The following MS4A2 variants were observed in gnomAD, a reference collection of about 807,000 sequenced individuals.
MS4A2 encodes the protein high affinity immunoglobulin epsilon receptor subunit beta.
A neutral mutation model predicts 27.9 loss-of-function variants in MS4A2; 26 were observed. The observed-to-expected ratio is 0.93, with a 90% CI of 0.68 to 1.29. MS4A2 has a LOEUF of 1.29. Among genes scored for constraint, MS4A2 ranks in the 50% most tolerant of loss-of-function variants. The pLI is 0.00. For missense variants in MS4A2, 284 were observed against 284.6 expected, an observed-to-expected ratio of 1.00 and a Z score of 0.01; for synonymous variants, 110 against 98.8, an observed-to-expected ratio of 1.11 and a Z score of -0.67.
Position 60,096,878 on chromosome 11 carries a change from C to T in MS4A2, c.*1222C>T, listed in dbSNP as rs1459821632. The T allele has an allele frequency of 9.0e-6, 1 of 110,972 alleles. No individual in the cohort carries two copies. The highest frequency in any genetic ancestry group is 3.6e-5 in the African/African-American group (1 of 27,914). 6.9% of individuals were successfully genotyped at this position (110,972 alleles called of 1,614,324 possible). A position where few individuals can be genotyped will look rare whatever the true frequency, so the allele number is the denominator to read the frequency against. ...CTCCAGCCTTGGTGACAATGGGAGA[C>T]TCCATCTCAAAAAAAAAAAAAAAAA... On this transcript the variant is annotated 3_prime_UTR_variant, in exon 7 of 7. Transcript: ENST00000278888.
intron 3 of MS4A2, among the ~76,000 whole-genome samples, chr11:60,092,365 G>T (rs1855777497): frequency 6.7e-6 from 1 of 149,836 alleles, no homozygotes; most frequent in Non-Finnish European, 1.5e-5. Context: ...GCATGATCTT[G>T]GCTCACTGCA....
chr11:60,092,103 A>G (rs2847666), intron 3 of MS4A2, among the ~76,000 whole-genome samples: 44,024 of 152,012 alleles, frequency 0.29, 8,162 homozygotes, highest in Middle Eastern at 0.48. Flanking sequence ...GACGATTGCA[A>G]TAGAATGAGA....
At position 60,093,571 on chromosome 11, in the gene MS4A2, T is replaced by G; in HGVS notation, c.537+13T>G. 6.2e-7 allele frequency: 1 copy of G among 1,614,186 alleles called. No individual in the cohort carries two copies. Among genetic ancestry groups the G allele is most frequent in the Non-Finnish European group, 8.5e-7 (1 of 1,180,016 alleles). On this transcript the variant is annotated intron_variant, in intron 5 of 6. Coordinates refer to ENST00000278888, the MANE Select transcript of MS4A2 (RefSeq NM_000139.5). ...TTCCTTTTCCACTGTATGTATTTTT[T>G]TTTGTGTGGGAAGACTAAGATTCTG...
intron 6 of MS4A2, among the ~76,000 whole-genome samples, chr11:60,094,715 G>A (rs144304332): frequency 1.1e-3 from 167 of 152,364 alleles, no homozygotes; most frequent in African/African-American, 3.8e-3. Flanking sequence ...TTGTGAGGCT[G>A]AGGAGGGCGG....
In MS4A2 at chr11:60,094,081, T is replaced by C; in HGVS notation, c.636+19T>C. 2.6e-6 allele frequency: 4 copies of C among 1,544,860 alleles called. No homozygotes were observed. Among genetic ancestry groups the C allele is most frequent in the Non-Finnish European group, 3.6e-6 (4 of 1,117,016 alleles). On this transcript the variant is annotated intron_variant, in intron 6 of 6. Transcript: ENST00000278888. ...AAACAAGGTAGATAGAAGCCCGATA[T>C]AAAATCTTGAATGACAGGTTAACGA...
At chr11:60,088,847 T>A (rs1283487648) in intron 1 of MS4A2, 26 bp downstream of exon 1, 1 of 1,599,448 alleles carries the variant, frequency 6.3e-7, no homozygotes, top group Non-Finnish European at 8.5e-7. Context: ...TATTTTTTTC[T>A]ACCCTCAGTC....
chr11:60,088,783 T>C lies in MS4A2; in HGVS notation c.18T>C (p.Asn6=), dbSNP rs1244633911. The C allele has an allele frequency of 4.3e-6, 7 of 1,612,098 alleles. No individual in the cohort carries two copies. The highest frequency in any genetic ancestry group is 4.5e-5 in the East Asian group (2 of 44,850). The change falls in exon 1 of 7, where the codon AAT becomes AAC. Residue 6 remains asparagine (N), a synonymous_variant. Transcript: ENST00000278888. The part of the protein sequence containing the change: MDTES[N]RRANLALPQE... Reference sequence around the variant, plus strand: ...ATGAAAAAATGGACACAGAAAGTAATAGGAGAGCAAATCTTGCTCTCCCAC... The same window carrying C: ...ATGAAAAAATGGACACAGAAAGTAACAGGAGAGCAAATCTTGCTCTCCCAC...
In MS4A2 at chr11:60,097,137, T is replaced by G. The variant is rs1182519403; in HGVS notation, c.*1481T>G. 6.6e-6 allele frequency: 1 copy of G among 152,140 alleles called. No homozygotes were observed. Among genetic ancestry groups the G allele is most frequent in the East Asian group, 1.9e-4 (1 of 5,204 alleles). The allele number at this position is 152,140 out of a possible 1,614,324, so 9.4% of individuals were successfully genotyped here. ...AGTTAACACTCTAAGAGAATTATTTTGAGATAGAAGTGAAGCTAAGCTAAA... is the reference window on the plus strand; with the variant it reads ...AGTTAACACTCTAAGAGAATTATTTGGAGATAGAAGTGAAGCTAAGCTAAA... On this transcript the variant is annotated 3_prime_UTR_variant, in exon 7 of 7. Coordinates refer to ENST00000278888, the MANE Select transcript of MS4A2 (RefSeq NM_000139.5).
At chr11:60,091,136 A>G (rs1471919304) in intron 3 of MS4A2, among the ~76,000 whole-genome samples, 1 of 152,158 alleles carries the variant, frequency 6.6e-6, no homozygotes, top group Non-Finnish European at 1.5e-5. Flanking sequence ...GGGCAATAAG[A>G]GCGAAACTCT....
chr11:60,092,043 G>C (rs1241165579), intron 3 of MS4A2, among the ~76,000 whole-genome samples: 1 of 152,118 alleles, frequency 6.6e-6, no homozygotes. Flanking sequence ...GCATGCCACA[G>C]ACACGTGTTT....
At chr11:60,094,089 T>C (rs1385969401) in intron 6 of MS4A2, 27 bp downstream of exon 6, 2 of 1,478,078 alleles carry the variant, frequency 1.4e-6, no homozygotes, top group African/African-American at 2.8e-5. Context: ...TATAAAATCT[T>C]GAATGACAGG....
In MS4A2 at chr11:60,093,974, T is replaced by A. The variant is rs780115587; in HGVS notation, c.548T>A (p.Val183Glu). 7 of 1,613,050 alleles carry A rather than the reference T, an allele frequency of 4.3e-6. No individual in the cohort carries two copies. Among genetic ancestry groups the A allele is most frequent in the Non-Finnish European group, 5.9e-6 (7 of 1,179,030 alleles). ...FMASFSTEIV[V>E]MMLFLTILGL... ...GTTGCTGTTCAATAGGAAATTGTAG[T>A]GATGATGCTGTTTCTCACCATTCTG... The change falls in exon 6 of 7, where the codon GTG becomes GAG. Residue 183 changes from valine to glutamate, a missense_variant. Val to Glu is a moderately radical substitution (Grantham distance 121). Transcript: ENST00000278888.
rs747349377 is a variant in MS4A2, at chr11:60,092,797, T to C, written c.327T>C (p.Ser109=). The change falls in exon 4 of 7, where the codon TCT becomes TCC. Residue 109 remains serine (S), a synonymous_variant. Transcript: ENST00000278888. ...TTTTCCTCCTTTTTGAACAGTTTTC[T>C]ATTTCTGGAATGTTGTCAATTATAT... ...GYPFWGAIFF[S]ISGMLSIISE... 1 of 1,613,838 alleles carries C rather than the reference T, an allele frequency of 6.2e-7. No individual in the cohort carries two copies. Among genetic ancestry groups the C allele is most frequent in the Non-Finnish European group, 8.5e-7 (1 of 1,179,842 alleles).
intron 6 of MS4A2, 84 bp downstream of exon 6, chr11:60,094,146 T>C: frequency 1.1e-6 from 1 of 898,432 alleles, no homozygotes; most frequent in East Asian, 2.6e-5. Context: ...CTGGGTTTTC[T>C]GAAACATTTC....
chr11:60,093,870 A>G, intron 5 of MS4A2, 94 bp from the exon 6 acceptor site: 3 of 877,528 alleles, frequency 3.4e-6, no homozygotes, highest in Non-Finnish European at 5.6e-6. Context: ...GTCAGATGGT[A>G]GGGAGATGAA....
intron 5 of MS4A2, 139 bp from the exon 6 acceptor site, chr11:60,093,822 GTGT>G (rs1277726068): frequency 6.9e-6 from 5 of 728,926 alleles, no homozygotes; most frequent in Non-Finnish European, 4.9e-6. Flanking sequence ...GTGTGTGTGT[GTGT>G]GTGTGTGTGT....
In MS4A2 at chr11:60,092,854, T is replaced by C. The variant is rs1855791368; in HGVS notation, c.378+6T>C. 6.2e-7 allele frequency: 1 copy of C among 1,613,260 alleles called. No homozygotes were observed. The highest frequency in any genetic ancestry group is 1.3e-5 in the African/African-American group (1 of 74,894). ...GGAGAAATGCAACATATCTGGTGAG[T>C]TGCCCGTTTCTGTCTTTGTCCATCC... On this transcript the variant is annotated splice_donor_region_variant and intron_variant, in intron 4 of 6. Coordinates refer to ENST00000278888, the MANE Select transcript of MS4A2 (RefSeq NM_000139.5).
intron 1 of MS4A2, among the ~76,000 whole-genome samples, chr11:60,089,443 A>G (rs1855715663): frequency 6.6e-6 from 1 of 152,204 alleles, no homozygotes; most frequent in South Asian, 2.1e-4. Context: ...GTAACACTGG[A>G]TTAAGAATAG....
rs1855892405 is a variant in MS4A2, at chr11:60,097,589, G to A, written c.*1933G>A. The A allele has an allele frequency of 6.6e-6, 1 of 152,208 alleles. No homozygotes were observed. The highest frequency in any genetic ancestry group is 6.5e-5 in the Admixed American group (1 of 15,292). 9.4% of individuals were successfully genotyped at this position (152,208 alleles called of 1,614,324 possible). A position where few individuals can be genotyped will look rare whatever the true frequency, so the allele number is the denominator to read the frequency against. On this transcript the variant is annotated 3_prime_UTR_variant, in exon 7 of 7. Coordinates refer to ENST00000278888, the MANE Select transcript of MS4A2 (RefSeq NM_000139.5). ...CTAAGAAAAAATTCTGTTTATAAAAGAAGGAAAAGATAGTTTATGTTTTTA... is the reference window on the plus strand; with the variant it reads ...CTAAGAAAAAATTCTGTTTATAAAAAAAGGAAAAGATAGTTTATGTTTTTA...
Sources: gnomAD v4.1 joint callset for allele counts (sites outside exome capture counted in the v4.1 genomes callset) on GRCh38, gnomAD v4.1.1 for gene constraint, MANE v1.5 for transcripts, NCBI Gene and HGNC (gene_info 2026-07-23, HGNC 2026-07-21) for gene names.